PYROXD1: variants seen among roughly 807,000 people sequenced by gnomAD.
PYROXD1 encodes the protein pyridine nucleotide-disulphide oxidoreductase domain 1.
PYROXD1 carries 42 observed loss-of-function variants against 62.0 expected under a neutral mutation model. The ratio of observed to expected loss-of-function variants is 0.68; its 90% confidence interval spans 0.53 to 0.88. The LOEUF (loss-of-function observed/expected upper bound fraction) is 0.88. Among genes scored for constraint, PYROXD1 ranks in the 40% least tolerant of loss-of-function variants. The probability of loss-of-function intolerance (pLI) is 0.00; values close to 1 mark genes in which losing one functional copy is unlikely to be tolerated. For missense variants in PYROXD1, 493 were observed against 604.8 expected (o/e 0.82, Z 1.94); for synonymous variants, 170 against 206.4 (o/e 0.82, Z 1.51).
chr12:21,450,925 A>G (rs1942485109), intron 4 of PYROXD1, among the ~76,000 whole-genome samples: 9 of 152,202 alleles, frequency 5.9e-5, no homozygotes, highest in Admixed American at 5.9e-4. Flanking sequence ...TTAAGTATGT[A>G]TCTATACTAA....
intron 7 of PYROXD1, 140 bp downstream of exon 7, chr12:21,456,235 T>G (rs1942593989): frequency 5.1e-6 from 3 of 586,604 alleles, no homozygotes; most frequent in Non-Finnish European, 9.1e-6. Flanking sequence ...GGAAAAGACC[T>G]CCAATGCAGT....
At position 21,437,708 on chromosome 12, in the gene PYROXD1, T is replaced by C. The variant is rs201463407; in HGVS notation, c.-23T>C. ...CCCGTTGCTCCGCCGCGATATTCAG[T>C]AAACCACTGGGAGTCCGGCAGCATG... On this transcript the variant is annotated 5_prime_UTR_variant, in exon 1 of 12. Coordinates refer to ENST00000240651, the MANE Select transcript of PYROXD1 (RefSeq NM_024854.5). 6.9e-6 allele frequency: 11 copies of C among 1,605,788 alleles called. No homozygotes were observed. The East Asian group carries it at 1.8e-4, about 26-fold the overall frequency.
Position 21,471,199 on chromosome 12 carries a change from T to C in PYROXD1, c.*2445T>C. The C allele has an allele frequency of 8.4e-7, 1 of 1,185,064 alleles. No individual in the cohort carries two copies. The highest frequency in any genetic ancestry group is 1.2e-6 in the Non-Finnish European group (1 of 858,468). 73.4% of individuals were successfully genotyped at this position (1,185,064 alleles called of 1,614,324 possible). On this transcript the variant is annotated 3_prime_UTR_variant, in exon 12 of 12. Transcript: ENST00000240651. ...ATATGCGCAGTAATTCTTAACACAT[T>C]GACTTGAAATAATAAAATTTACAAG... is the stretch of plus-strand genomic sequence containing the variant.
intron 5 of PYROXD1, among the ~76,000 whole-genome samples, chr12:21,453,429 C>A (rs973084402): frequency 5.9e-5 from 9 of 152,048 alleles, no homozygotes; most frequent in Admixed American, 5.9e-4. Context: ...CATACCCATA[C>A]CCTTTCTACA....
rs1942853056 is a variant in PYROXD1 at position 21,468,766 on chromosome 12, C to T, written c.*12C>T. 34 of 1,597,658 alleles carry T rather than the reference C, an allele frequency of 2.1e-5. No individual in the cohort carries two copies. Among genetic ancestry groups the T allele is most frequent in the Non-Finnish European group, 2.8e-5 (33 of 1,169,606 alleles). ...ATTATTTTGACTAAAAATGGAATTT[C>T]TTCAGGAATCATATAAAGTTCCAAA... On this transcript the variant is annotated 3_prime_UTR_variant, in exon 12 of 12. Coordinates refer to ENST00000240651, the MANE Select transcript of PYROXD1 (RefSeq NM_024854.5).
intron 8 of PYROXD1, among the ~76,000 whole-genome samples, chr12:21,461,508 C>A (rs181646451): frequency 6.6e-6 from 1 of 152,116 alleles, no homozygotes; most frequent in African/African-American, 2.4e-5. Context: ...ATGCAGCTCT[C>A]CTAACTCCAG....
At chr12:21,437,916 C>G (rs778750230) in intron 1 of PYROXD1, 102 bp downstream of exon 1, 1 of 1,110,728 alleles carries the variant, frequency 9.0e-7, no homozygotes, top group Non-Finnish European at 1.3e-6. Context: ...TTCCGGGTTC[C>G]TTTTTTGCTG....
intron 1 of PYROXD1, among the ~76,000 whole-genome samples, chr12:21,439,871 C>T (rs377304750): frequency 2.0e-5 from 3 of 152,290 alleles, no homozygotes; most frequent in South Asian, 2.1e-4. Context: ...ACAATATGTA[C>T]TGACTGGAAG....
Position 21,461,032 on chromosome 12 carries a change from A to G in PYROXD1, c.758A>G (p.His253Arg), listed in dbSNP as rs377228642. The G allele has an allele frequency of 3.0e-5, 46 of 1,515,588 alleles. No homozygotes were observed. The highest frequency in any genetic ancestry group is 2.1e-4 in the East Asian group (9 of 42,624). 93.9% of individuals were successfully genotyped at this position (1,515,588 alleles called of 1,614,324 possible). A position where few individuals can be genotyped will look rare whatever the true frequency, so the allele number is the denominator to read the frequency against. The change falls in exon 8 of 12, where the codon CAT becomes CGT. Residue 253 changes from histidine to arginine, a missense_variant. Physicochemically the swap from His to Arg is conservative, Grantham distance 29 (BLOSUM62 0). Transcript: ENST00000240651. ...LNLKGTKEFS[H>R]KIHLETMCEV... ...GTATTTTCTTAATTTTAGTTTTCTC[A>G]TAAGATTCACCTTGAAACTATGTGT...
At chr12:21,468,375 C>T in intron 11 of PYROXD1, 131 bp from the exon 12 acceptor site, 1 of 773,464 alleles carries the variant, frequency 1.3e-6, no homozygotes, top group Non-Finnish European at 2.1e-6. Context: ...GGACTCTCCC[C>T]AATAACATTT....
chr12:21,464,938 C>A (rs1942765186), intron 10 of PYROXD1, among the ~76,000 whole-genome samples: 1 of 152,082 alleles, frequency 6.6e-6, no homozygotes, highest in Non-Finnish European at 1.5e-5. Context: ...TTTGTCCTTG[C>A]AATAGTTTGC....
chr12:21,437,740 G>C lies in PYROXD1; in HGVS notation c.10G>C (p.Ala4Pro). Residue 4 changes from alanine to proline, a missense_variant, in exon 1 of 12, where the codon GCG (alanine) becomes CCG (proline). Transcript: ENST00000240651. MEA[A>P]RPPPTAGKFV... ...CTGGGAGTCCGGCAGCATGGAGGCAGCGCGCCCTCCCCCGACGGCAGGGAA... is the reference window on the plus strand; with the variant it reads ...CTGGGAGTCCGGCAGCATGGAGGCACCGCGCCCTCCCCCGACGGCAGGGAA... 1.9e-6 allele frequency: 3 copies of C among 1,612,312 alleles called. No homozygotes were observed. The highest frequency in any genetic ancestry group is 1.7e-6 in the Non-Finnish European group (2 of 1,179,498).
chr12:21,446,120 C>A (rs1169249517), intron 3 of PYROXD1, among the ~76,000 whole-genome samples: 1 of 152,148 alleles, frequency 6.6e-6, no homozygotes, highest in Non-Finnish European at 1.5e-5. Flanking sequence ...TTTTTAATGT[C>A]ACACTATAAG....
intron 6 of PYROXD1, 91 bp downstream of exon 6, chr12:21,455,383 T>A: frequency 1.3e-6 from 1 of 753,570 alleles, no homozygotes; most frequent in Non-Finnish European, 1.9e-6. Flanking sequence ...TAAAATAAAT[T>A]TTGGAAATAG....
At chr12:21,459,778 G>A (rs566066259) in intron 7 of PYROXD1, among the ~76,000 whole-genome samples, 1 of 152,340 alleles carries the variant, frequency 6.6e-6, no homozygotes, top group Admixed American at 6.5e-5. Context: ...GGTCACAGAA[G>A]TATTCTGTGT....
chr12:21,457,310 T>C (rs4551820), intron 7 of PYROXD1, among the ~76,000 whole-genome samples: 74,893 of 152,006 alleles, frequency 0.49, 18,515 homozygotes, highest in Middle Eastern at 0.59. Flanking sequence ...CCTGGATCCA[T>C]GGGCTGCAGA....
chr12:21,438,573 A>G (rs1942237729), intron 1 of PYROXD1: 1 of 152,246 alleles, frequency 6.6e-6, no homozygotes, highest in African/African-American at 2.4e-5. Flanking sequence ...CCAAGATAGA[A>G]GAAACTTTAT....
In PYROXD1 at chr12:21,469,927, G is replaced by A. The variant is rs1276466939; in HGVS notation, c.*1173G>A. On this transcript the variant is annotated 3_prime_UTR_variant, in exon 12 of 12. Coordinates refer to ENST00000240651, the MANE Select transcript of PYROXD1 (RefSeq NM_024854.5). ...AAGGCATAAAAAACTTAAGACGATT[G>A]TATGAACTTATTCTCAAATATTTTA... is the stretch of plus-strand genomic sequence containing the variant. The A allele has an allele frequency of 9.8e-5, 32 of 325,366 alleles. No individual in the cohort carries two copies. The highest frequency in any genetic ancestry group is 3.1e-4 in the African/African-American group (14 of 45,282). 20.2% of individuals were successfully genotyped at this position (325,366 alleles called of 1,614,324 possible).
In PYROXD1 at chr12:21,455,585, G is replaced by A. The variant is rs7294351; in HGVS notation, c.649+293G>A. ...CTGAAGAAGTTTTGTAAAAAATGCA[G>A]TGAGTTGAAAAACTAATACAAACTT... On this transcript the variant is annotated intron_variant, in intron 6 of 11. Coordinates refer to ENST00000240651, the MANE Select transcript of PYROXD1 (RefSeq NM_024854.5). 0.49 allele frequency among the ~76,000 whole-genome samples: 74,615 copies of A among 151,212 alleles called. 18,468 individuals are homozygous for A. Among genetic ancestry groups the A allele is most frequent in the Middle Eastern group, 0.59 (170 of 290 alleles).
Sources: allele counts gnomAD v4.1 joint callset (sites outside exome capture counted in the v4.1 genomes callset), GRCh38; gene constraint gnomAD v4.1.1; transcripts MANE v1.5; gene names NCBI Gene and HGNC (gene_info 2026-07-23, HGNC 2026-07-21).